The following SERGEF variants were observed in gnomAD, a reference collection of about 807,000 sequenced individuals.
SERGEF encodes secretion regulating guanine nucleotide exchange factor.
SERGEF carries 51 observed loss-of-function variants against 50.0 expected under a neutral mutation model. The observed-to-expected ratio is 1.02, with a 90% CI of 0.81 to 1.29. SERGEF has a LOEUF of 1.29. SERGEF is among the 50% of genes most tolerant of loss of function. The probability of loss-of-function intolerance (pLI) is 0.00; values close to 1 mark genes in which losing one functional copy is unlikely to be tolerated. For missense variants in SERGEF, 521 were observed against 557.0 expected (o/e 0.94, Z 0.65); for synonymous variants, 205 against 212.4 (o/e 0.97, Z 0.30).
intron 7 of SERGEF, among the ~76,000 whole-genome samples, chr11:17,990,866 A>G (rs762629359): frequency 2.0e-5 from 3 of 151,950 alleles, no homozygotes; most frequent in Admixed American, 6.6e-5. Flanking sequence ...ACCCGGGTTC[A>G]TGCAATTCTC....
At chr11:17,835,742 C>T (rs1378849472) in intron 10 of SERGEF, among the ~76,000 whole-genome samples, 1 of 152,136 alleles carries the variant, frequency 6.6e-6, no homozygotes, top group Admixed American at 6.5e-5. Context: ...TTTTTTCCTA[C>T]AAAAAGGACA....
chr11:17,833,327 T>G (rs1006144736), intron 10 of SERGEF, among the ~76,000 whole-genome samples: 12 of 152,094 alleles, frequency 7.9e-5, no homozygotes, highest in African/African-American at 2.9e-4. Context: ...TGCACAGAAG[T>G]CAAGAACTGG....
chr11:17,938,557 C>T (rs564139849), intron 9 of SERGEF, among the ~76,000 whole-genome samples: 1 of 152,122 alleles, frequency 6.6e-6, no homozygotes, highest in Admixed American at 6.5e-5. Context: ...GGACCCCAGA[C>T]CCCTGATATT....
chr11:17,919,016 TATAG>T (rs967698037), intron 9 of SERGEF, among the ~76,000 whole-genome samples: 18 of 152,148 alleles, frequency 1.2e-4, no homozygotes, highest in Non-Finnish European at 1.9e-4. Flanking sequence ...TTTGTACATA[TATAG>T]AGAGCTGCTG....
chr11:17,911,436 A>G (rs1021789865), intron 9 of SERGEF, among the ~76,000 whole-genome samples: 4 of 149,918 alleles, frequency 2.7e-5, no homozygotes, highest in African/African-American at 7.4e-5. Context: ...GTGTAATTTG[A>G]TAAGTTTTGA....
chr11:17,938,274 C>T (rs1344221985), intron 9 of SERGEF, among the ~76,000 whole-genome samples: 1 of 152,144 alleles, frequency 6.6e-6, no homozygotes, highest in Non-Finnish European at 1.5e-5. Flanking sequence ...TCTTGACCCA[C>T]CATTGGGTTT....
chr11:17,944,947 C>A (rs989320894), intron 9 of SERGEF, among the ~76,000 whole-genome samples: 8 of 152,174 alleles, frequency 5.3e-5, no homozygotes, highest in African/African-American at 1.9e-4. Flanking sequence ...AGAATGATCT[C>A]ATGAACAAAG....
chr11:17,983,275 C>T (rs980080060), intron 8 of SERGEF, among the ~76,000 whole-genome samples: 2 of 152,156 alleles, frequency 1.3e-5, no homozygotes, highest in Non-Finnish European at 2.9e-5. Flanking sequence ...TCTAACACAC[C>T]GTCAGCAACC....
At chr11:17,834,374 T>C (rs1850365930) in intron 10 of SERGEF, among the ~76,000 whole-genome samples, 1 of 152,188 alleles carries the variant, frequency 6.6e-6, no homozygotes. Flanking sequence ...CTTGTGTAAA[T>C]TGCTCAGTCT....
At chr11:17,988,854 GTTTTA>G in intron 7 of SERGEF, 99 bp from the exon 8 acceptor site, 1 of 1,214,808 alleles carries the variant, frequency 8.2e-7, no homozygotes, top group Non-Finnish European at 1.2e-6. Flanking sequence ...AAAAGAAGTT[GTTTTA>G]TACTTAGACT....
At chr11:17,856,288 A>C (rs1423947580) in intron 10 of SERGEF, 1 of 152,474 alleles carries the variant, frequency 6.6e-6, no homozygotes, top group Non-Finnish European at 1.5e-5. Context: ...AATACCCAAG[A>C]CTTACCATTT....
intron 10 of SERGEF, among the ~76,000 whole-genome samples, chr11:17,815,712 A>G (rs1358180481): frequency 6.6e-6 from 1 of 151,980 alleles, no homozygotes; most frequent in Non-Finnish European, 1.5e-5. Flanking sequence ...TCACGAGGTC[A>G]AGAGATCGAG....
intron 8 of SERGEF, among the ~76,000 whole-genome samples, chr11:17,981,782 T>C (rs1274515624): frequency 6.6e-6 from 1 of 152,036 alleles, no homozygotes; most frequent in Non-Finnish European, 1.5e-5. Flanking sequence ...TAAGAATAAG[T>C]GTTTTCTTGA....
chr11:17,792,978 C>T (rs1292742291), intron 10 of SERGEF, among the ~76,000 whole-genome samples: 1 of 152,230 alleles, frequency 6.6e-6, no homozygotes, highest in East Asian at 1.9e-4. Context: ...AGTTTGCCAT[C>T]CCCTGCTCCA....
At chr11:17,850,008 G>A (rs1850683791) in intron 10 of SERGEF, among the ~76,000 whole-genome samples, 1 of 152,060 alleles carries the variant, frequency 6.6e-6, no homozygotes, top group Admixed American at 6.6e-5. Context: ...AGTTGATTTG[G>A]CTCACAGTTC....
chr11:17,855,346 G>A (rs1850798758), intron 10 of SERGEF: 1 of 152,080 alleles, frequency 6.6e-6, no homozygotes, highest in African/African-American at 2.4e-5. Context: ...GACAGTTTAA[G>A]GAGCCAGATT....
In SERGEF at chr11:17,909,083, G is replaced by A. The variant is rs536563656; in HGVS notation, c.1012-30839C>T. Among the ~76,000 whole-genome samples the A allele has an allele frequency of 2.5e-4, 38 of 152,352 alleles. 1 individual carries two copies. In the South Asian group the frequency reaches 7.7e-3, roughly 31 times the overall value. On this transcript the variant is annotated intron_variant, in intron 9 of 10. Transcript: ENST00000265965. ...TAGGCAGATCAAAGGGAAGATGCTG[G>A]TAGAAGGAGCCAGGAGTTACAATGG...
chr11:17,977,665 C>T (rs1409923530), intron 8 of SERGEF, among the ~76,000 whole-genome samples: 1 of 152,150 alleles, frequency 6.6e-6, no homozygotes, highest in African/African-American at 2.4e-5. Flanking sequence ...AATCCTAACC[C>T]TTAATATTAT....
chr11:17,996,635 C>T (rs535622310), intron 5 of SERGEF, among the ~76,000 whole-genome samples: 6 of 152,258 alleles, frequency 3.9e-5, no homozygotes, highest in African/African-American at 1.4e-4. Flanking sequence ...GATCCATCAC[C>T]CAACAGCAAC....
Sources: gnomAD v4.1 joint callset for allele counts (sites outside exome capture counted in the v4.1 genomes callset) on GRCh38, gnomAD v4.1.1 for gene constraint, MANE v1.5 for transcripts, NCBI Gene and HGNC (gene_info 2026-07-23, HGNC 2026-07-21) for gene names.